The following CTNNA2 variants were observed in gnomAD, a reference collection of about 807,000 sequenced individuals.
CTNNA2 encodes catenin alpha 2, also known as catenin alpha-2.
Under a neutral mutation model 101.0 loss-of-function variants are expected in CTNNA2, and 42 were observed. The ratio of observed to expected loss-of-function variants is 0.42; its 90% CI spans 0.32 to 0.54. CTNNA2 has a LOEUF of 0.54. Ranked by LOEUF, CTNNA2 falls within the 20% of genes least tolerant of loss-of-function variation. CTNNA2 has a pLI of 0.14. For synonymous variants in CTNNA2, 450 were observed against 456.4 expected, an observed-to-expected ratio of 0.99 and a Z score of 0.18; for missense variants, 871 against 1,223.1, an observed-to-expected ratio of 0.71 and a Z score of 4.29.
chr2:79,507,262 C>A (rs368437096), intron 5 of CTNNA2, among the ~76,000 whole-genome samples: 2 of 152,106 alleles, frequency 1.3e-5, no homozygotes, highest in Non-Finnish European at 1.5e-5. Context: ...GAGGATACTG[C>A]GGTTTGAATG....
chr2:79,388,814 A>G (rs546220444), intron 4 of CTNNA2, among the ~76,000 whole-genome samples: 15 of 151,032 alleles, frequency 9.9e-5, no homozygotes, highest in Non-Finnish European at 2.1e-4. Flanking sequence ...TTATTTTGCT[A>G]TCCTCTCCCC....
At chr2:80,104,131 G>T (rs948602819) in intron 7 of CTNNA2, among the ~76,000 whole-genome samples, 2 of 152,204 alleles carry the variant, frequency 1.3e-5, no homozygotes, top group African/African-American at 2.4e-5. Flanking sequence ...TCTCAGGCAT[G>T]TTGGGGGGAT....
At chr2:80,484,778 G>T (rs1476350498) in intron 9 of CTNNA2, among the ~76,000 whole-genome samples, 1 of 152,114 alleles carries the variant, frequency 6.6e-6, no homozygotes, top group Non-Finnish European at 1.5e-5. Context: ...AGGCCAAGGC[G>T]GGCGGATCAC....
At chr2:79,385,880 T>C (rs1678094698) in intron 4 of CTNNA2, among the ~76,000 whole-genome samples, 1 of 152,210 alleles carries the variant, frequency 6.6e-6, no homozygotes, top group African/African-American at 2.4e-5. Flanking sequence ...TTTTTATGGC[T>C]ACATAGTATT....
intron 4 of CTNNA2, among the ~76,000 whole-genome samples, chr2:79,400,377 C>T (rs1362592566): frequency 1.3e-5 from 2 of 151,928 alleles, no homozygotes; most frequent in Non-Finnish European, 2.9e-5. Context: ...TTCCCTTTGG[C>T]TTAGTGATTT....
intron 7 of CTNNA2, among the ~76,000 whole-genome samples, chr2:80,244,463 C>T (rs988927298): frequency 1.3e-5 from 2 of 152,156 alleles, no homozygotes; most frequent in African/African-American, 2.4e-5. Context: ...TCTAGTCAAG[C>T]GTTTTGTTCA....
At chr2:80,511,024 G>C (rs1184496070) in intron 9 of CTNNA2, among the ~76,000 whole-genome samples, 1 of 152,284 alleles carries the variant, frequency 6.6e-6, no homozygotes, top group African/African-American at 2.4e-5. Flanking sequence ...GGAAGGGAAG[G>C]CTTTGGTGGC....
intron 2 of CTNNA2, among the ~76,000 whole-genome samples, chr2:79,204,432 T>C (rs926963870): frequency 6.6e-6 from 1 of 152,216 alleles, no homozygotes; most frequent in Non-Finnish European, 1.5e-5. Flanking sequence ...TCTAGTTATA[T>C]AAGGAACTGA....
chr2:79,281,031 T>C (rs1675364502), intron 2 of CTNNA2, among the ~76,000 whole-genome samples: 1 of 152,054 alleles, frequency 6.6e-6, no homozygotes, highest in African/African-American at 2.4e-5. Context: ...ACATTCCCCC[T>C]CTTTGCTGTC....
rs1683991471 is a variant in CTNNA2 at position 80,456,487 on chromosome 2, A to G, written c.1290+36886A>G. ...GGCGGGATAGTGAGATCCCAGAGCA[A>G]GGCCACTTTGCATGACATTCAACTG... On this transcript the variant is annotated intron_variant, in intron 9 of 18. Coordinates refer to ENST00000402739, the MANE Select transcript of CTNNA2 (RefSeq NM_001282597.3). Among the ~76,000 whole-genome samples the G allele has an allele frequency of 2.0e-5, 3 of 152,316 alleles. No individual in the cohort carries two copies. The South Asian group carries it at 6.2e-4, about 32-fold the overall frequency.
At chr2:79,678,550 A>C (rs577200195) in intron 2 of CTNNA2, among the ~76,000 whole-genome samples, 1 of 151,816 alleles carries the variant, frequency 6.6e-6, no homozygotes, top group African/African-American at 2.4e-5. Flanking sequence ...AACAAAAAAA[A>C]AAAAAAAGAA....
At chr2:80,246,700 C>CT (rs1240083412) in intron 7 of CTNNA2, among the ~76,000 whole-genome samples, 1 of 152,168 alleles carries the variant, frequency 6.6e-6, no homozygotes, top group East Asian at 1.9e-4. Context: ...GAAGGATCCT[C>CT]TTGGGTGCAT....
At chr2:79,835,673 T>TTTG (rs1679289853) in intron 3 of CTNNA2, among the ~76,000 whole-genome samples, 1 of 16,906 alleles carries the variant, frequency 5.9e-5, no homozygotes, top group African/African-American at 1.5e-4. Flanking sequence ...TTTGTTTTTT[T>TTTG]TTTTTTTTTT....
At chr2:79,708,934 G>A (rs1293826898) in intron 2 of CTNNA2, among the ~76,000 whole-genome samples, 1 of 152,136 alleles carries the variant, frequency 6.6e-6, no homozygotes, top group Non-Finnish European at 1.5e-5. Context: ...GTACAAAATC[G>A]TCTTTTCCTT....
intron 11 of CTNNA2, among the ~76,000 whole-genome samples, chr2:80,554,962 C>A (rs1198567845): frequency 1.3e-5 from 2 of 152,092 alleles, no homozygotes; most frequent in Non-Finnish European, 2.9e-5. Flanking sequence ...GAGAGTGAAG[C>A]CTCCCCTCTA....
At chr2:79,431,858 A>G (rs985395150) in intron 4 of CTNNA2, among the ~76,000 whole-genome samples, 1 of 152,202 alleles carries the variant, frequency 6.6e-6, no homozygotes, top group Non-Finnish European at 1.5e-5. Flanking sequence ...CCGGTGAACT[A>G]TAAGATGTTA....
intron 7 of CTNNA2, among the ~76,000 whole-genome samples, chr2:79,995,668 G>T (rs562512297): frequency 6.6e-6 from 1 of 152,084 alleles, no homozygotes; most frequent in Non-Finnish European, 1.5e-5. Context: ...TTTAAAAATA[G>T]CCAGACATGG....
At chr2:79,913,401 G>A (rs1173349589) in intron 7 of CTNNA2, among the ~76,000 whole-genome samples, 1 of 152,172 alleles carries the variant, frequency 6.6e-6, no homozygotes, top group Non-Finnish European at 1.5e-5. Context: ...GAGTAGAGGG[G>A]TAGCAGGAGA....
chr2:79,953,105 G>C (rs1332029926), intron 7 of CTNNA2, among the ~76,000 whole-genome samples: 1 of 152,036 alleles, frequency 6.6e-6, no homozygotes, highest in Non-Finnish European at 1.5e-5. Context: ...GAGGCATGTG[G>C]GTCCTTCTGC....
Sources: gnomAD v4.1 joint callset for allele counts (sites outside exome capture counted in the v4.1 genomes callset) on GRCh38, gnomAD v4.1.1 for gene constraint, MANE v1.5 for transcripts, NCBI Gene and HGNC (gene_info 2026-07-23, HGNC 2026-07-21) for gene names.